SAMD13: variants seen among roughly 807,000 people sequenced by gnomAD.
The protein encoded by SAMD13 is sterile alpha motif domain containing 13.
In SAMD13, 9 loss-of-function variants were observed where a neutral mutation model predicts 12.4. That is an observed-to-expected ratio of 0.72 (90% CI 0.44 to 1.26). SAMD13 has a LOEUF of 1.26. SAMD13 is among the 50% of genes most tolerant of loss of function. SAMD13 has a pLI of 0.00. For missense variants in SAMD13, 84 were observed against 119.6 expected (o/e 0.70, Z 1.39); for synonymous variants, 46 against 45.4 (o/e 1.01, Z -0.05).
In SAMD13 at chr1:84,325,639, C is replaced by G; in HGVS notation, c.56C>G (p.Ser19Cys). The change falls in exon 3 of 4, where the codon TCC becomes TGC. Residue 19 changes from serine to cysteine, a missense_variant and splice_region_variant. By Grantham distance (112) the Ser-to-Cys change is moderately radical (BLOSUM62 -1). Transcript: ENST00000394834. ...CTGTCTGGATTTGTGTTTTGCAGTTCCATGGAAAATGGGAGACCACCTGAT... is the reference window on the plus strand; with the variant it reads ...CTGTCTGGATTTGTGTTTTGCAGTTGCATGGAAAATGGGAGACCACCTGAT... ...KENGSVGVKN[S>C]MENGRPPDPA... 1 of 1,599,512 alleles carries G rather than the reference C, an allele frequency of 6.3e-7. No homozygotes were observed. Among genetic ancestry groups the G allele is most frequent in the African/African-American group, 1.3e-5 (1 of 74,682 alleles).
chr1:84,320,359 A>G (rs1321387813), intron 2 of SAMD13, among the ~76,000 whole-genome samples: 1 of 152,226 alleles, frequency 6.6e-6, no homozygotes, highest in Non-Finnish European at 1.5e-5. Flanking sequence ...TGCCTTTTCA[A>G]TGCTTTCATC....
intron 2 of SAMD13, among the ~76,000 whole-genome samples, chr1:84,318,213 T>C (rs953968746): frequency 6.6e-6 from 1 of 152,042 alleles, no homozygotes; most frequent in African/African-American, 2.4e-5. Context: ...TTAGGTTGTT[T>C]TATATCTTTC....
chr1:84,302,218 G>A (rs1678466325), intron 1 of SAMD13, among the ~76,000 whole-genome samples: 1 of 152,014 alleles, frequency 6.6e-6, no homozygotes, highest in African/African-American at 2.4e-5. Flanking sequence ...TGATGCACTT[G>A]CCATGTCAGA....
At chr1:84,314,530 G>A (rs1678787640) in intron 2 of SAMD13, among the ~76,000 whole-genome samples, 3 of 152,074 alleles carry the variant, frequency 2.0e-5, no homozygotes, top group Admixed American at 2.0e-4. Context: ...GGTAGTTTCT[G>A]GGTGATCTCT....
At chr1:84,306,922 A>G (rs1678592525) in intron 2 of SAMD13, among the ~76,000 whole-genome samples, 1 of 151,836 alleles carries the variant, frequency 6.6e-6, no homozygotes, top group Admixed American at 6.6e-5. Flanking sequence ...TCTTTTTCAT[A>G]TCTATGTTCT....
chr1:84,308,535 G>A (rs1233543007), intron 2 of SAMD13, among the ~76,000 whole-genome samples: 3 of 152,306 alleles, frequency 2.0e-5, no homozygotes, highest in Non-Finnish European at 4.4e-5. Flanking sequence ...CCTGAGTAAT[G>A]TGTGACAGGG....
At chr1:84,300,950 A>G (rs897627154), upstream of SAMD13, among the ~76,000 whole-genome samples, 1 of 152,220 alleles carries the variant, frequency 6.6e-6, no homozygotes, top group Non-Finnish European at 1.5e-5. Context: ...TTCTTGAATT[A>G]TGCTTTTTGT....
intron 2 of SAMD13, among the ~76,000 whole-genome samples, chr1:84,309,709 T>A (rs988985435): frequency 6.6e-6 from 1 of 151,812 alleles, no homozygotes; most frequent in Non-Finnish European, 1.5e-5. Flanking sequence ...AACCAATAAA[T>A]AAGAAAAGCA....
intron 3 of SAMD13, among the ~76,000 whole-genome samples, chr1:84,330,630 A>G (rs1298555872): frequency 4.6e-5 from 7 of 152,164 alleles, no homozygotes; most frequent in African/African-American, 1.4e-4. Flanking sequence ...AACTGTGGCA[A>G]TCTAGTACAG....
Position 84,303,258 on chromosome 1 carries a change from C to T in SAMD13, c.24C>T (p.Asn8=). 1 of 1,613,010 alleles carries T rather than the reference C, an allele frequency of 6.2e-7. No homozygotes were observed. The highest frequency in any genetic ancestry group is 8.5e-7 in the Non-Finnish European group (1 of 1,179,176). MLSVDME[N]KENGSVGVKN... is the part of the protein sequence containing the mutation. ...CCATGCTATCTGTTGACATGGAAAA[C>T]AAGGAAAATGGCTCTGTCGGTGTAA... Residue 8 remains asparagine, a synonymous_variant, in exon 2 of 4, where the codon AAC becomes AAT. Transcript: ENST00000394834.
chr1:84,313,924 A>G (rs544574357), intron 2 of SAMD13, among the ~76,000 whole-genome samples: 1 of 152,256 alleles, frequency 6.6e-6, no homozygotes, highest in South Asian at 2.1e-4. Context: ...AACTAAAATA[A>G]TTACTTTTGA....
At chr1:84,327,555 A>G (rs1679084630) in intron 3 of SAMD13, among the ~76,000 whole-genome samples, 1 of 151,874 alleles carries the variant, frequency 6.6e-6, no homozygotes. Flanking sequence ...GCTAATACAC[A>G]GGCATATGCA....
Position 84,349,956 on chromosome 1 carries a change from A to G in SAMD13, c.*182A>G. The G allele has an allele frequency of 7.6e-7, 1 of 1,313,672 alleles. No individual in the cohort carries two copies. Among genetic ancestry groups the G allele is most frequent in the Non-Finnish European group, 9.8e-7 (1 of 1,025,098 alleles). 81.4% of individuals were successfully genotyped at this position (1,313,672 alleles called of 1,614,324 possible). A position where few individuals can be genotyped will look rare whatever the true frequency, so the allele number is the denominator to read the frequency against. Reference sequence around the variant, plus strand: ...AGCTCACCTGAAATCAGCCAGGAGGAGCAAGGACAAGATGCGCACAGGGTG... The same window carrying G: ...AGCTCACCTGAAATCAGCCAGGAGGGGCAAGGACAAGATGCGCACAGGGTG... On this transcript the variant is annotated 3_prime_UTR_variant, in exon 4 of 4. Coordinates refer to ENST00000394834, the MANE Select transcript of SAMD13 (RefSeq NM_001134663.2).
intron 2 of SAMD13, among the ~76,000 whole-genome samples, chr1:84,310,827 A>C (rs1277043334): frequency 6.6e-6 from 1 of 152,190 alleles, no homozygotes; most frequent in African/African-American, 2.4e-5. Context: ...AATTTCAATA[A>C]ATCTGCAAAT....
At position 84,325,519 on chromosome 1, in the gene SAMD13, T is replaced by C. The variant is rs1476363584; in HGVS notation, c.54-118T>C. 61 of 659,988 alleles carry C rather than the reference T, an allele frequency of 9.2e-5. 1 individual carries two copies. The highest frequency in any genetic ancestry group is 2.7e-6 in the Non-Finnish European group (1 of 363,802). The allele number at this position is 659,988 out of a possible 1,614,324, so 40.9% of individuals were successfully genotyped here. On this transcript the variant is annotated intron_variant, in intron 2 of 3. Coordinates refer to ENST00000394834, the MANE Select transcript of SAMD13 (RefSeq NM_001134663.2). ...TTAGCAGTGACTAAGCCAGTGAGAG[T>C]AATCATCATCTGAACCCAAAAAACA...
At chr1:84,311,046 G>T (rs1468680205) in intron 2 of SAMD13, among the ~76,000 whole-genome samples, 1 of 150,840 alleles carries the variant, frequency 6.6e-6, no homozygotes, top group Admixed American at 6.6e-5. Context: ...TTTAATTTTT[G>T]AATATTTGGC....
chr1:84,312,540 A>G (rs1315702001), intron 2 of SAMD13, among the ~76,000 whole-genome samples: 22 of 152,088 alleles, frequency 1.4e-4, no homozygotes, highest in Admixed American at 1.4e-3. Context: ...GCGTTCAACA[A>G]ACATATTACA....
At chr1:84,334,665 G>A (rs192458474) in intron 3 of SAMD13, among the ~76,000 whole-genome samples, 5 of 152,152 alleles carry the variant, frequency 3.3e-5, no homozygotes, top group Admixed American at 3.3e-4. Flanking sequence ...GTTAATTTGA[G>A]ATCTTTATAA....
chr1:84,323,635 T>A (rs1324131470), intron 2 of SAMD13, among the ~76,000 whole-genome samples: 1 of 152,154 alleles, frequency 6.6e-6, no homozygotes, highest in East Asian at 1.9e-4. Context: ...ATATTTTAGG[T>A]TCCTGCTATG....
Sources: gnomAD v4.1 joint callset for allele counts (sites outside exome capture counted in the v4.1 genomes callset) on GRCh38, gnomAD v4.1.1 for gene constraint, MANE v1.5 for transcripts, NCBI Gene and HGNC (gene_info 2026-07-23, HGNC 2026-07-21) for gene names.